SLC27A5: variants seen among roughly 807,000 people sequenced by gnomAD.
SLC27A5 encodes the protein long-chain fatty acid transport protein 5.
A neutral mutation model predicts 63.1 loss-of-function variants in SLC27A5; 47 were observed. The ratio of observed to expected loss-of-function variants is 0.74; its 90% confidence interval spans 0.59 to 0.95. The LOEUF (loss-of-function observed/expected upper bound fraction) is 0.95. Ranked by LOEUF, SLC27A5 falls within the 40% of genes least tolerant of loss-of-function variation. The pLI is 0.00. For missense variants in SLC27A5, 940 were observed against 921.0 expected (o/e 1.02, Z -0.27); for synonymous variants, 391 against 403.8 (o/e 0.97, Z 0.38).
At chr19:58,506,255 C>T (rs1456174023) in intron 3 of SLC27A5, among the ~76,000 whole-genome samples, 3 of 152,080 alleles carry the variant, frequency 2.0e-5, no homozygotes, top group Admixed American at 2.0e-4. Context: ...CAAACAGACG[C>T]CAGGCGCGGT....
At chr19:58,504,821 C>T (rs956658494) in intron 3 of SLC27A5, among the ~76,000 whole-genome samples, 3 of 151,598 alleles carry the variant, frequency 2.0e-5, no homozygotes. Flanking sequence ...CTGGTGAACA[C>T]CGTGAAACCC....
chr19:58,499,982 A>C (rs995299111), intron 6 of SLC27A5, among the ~76,000 whole-genome samples: 1 of 152,024 alleles, frequency 6.6e-6, no homozygotes, highest in Non-Finnish European at 1.5e-5. Context: ...GTGAGAATAG[A>C]TATGACCAGG....
At chr19:58,506,461 C>T (rs1000976806) in intron 3 of SLC27A5, among the ~76,000 whole-genome samples, 2 of 152,154 alleles carry the variant, frequency 1.3e-5, no homozygotes, top group African/African-American at 2.4e-5. Flanking sequence ...ATTGCTTGAA[C>T]CCGGGAGGCA....
At position 58,511,629 on chromosome 19, in the gene SLC27A5, G is replaced by A. The variant is rs1242460098; in HGVS notation, c.327C>T (p.Ser109=). Residue 109 remains serine (S), a synonymous_variant, in exon 1 of 10, where the codon AGC becomes AGT. Coordinates refer to ENST00000263093, the MANE Select transcript of SLC27A5 (RefSeq NM_012254.3). ...HLGLKIRGCL[S]RQPPDTFVDA... ...CTACAAAGGTGTCAGGCGGCTGCCG[G>A]CTCAAGCATCCCCTGATCTTCAGGC... is the stretch of plus-strand genomic sequence containing the variant. The A allele has an allele frequency of 1.3e-6, 2 of 1,597,552 alleles. No individual in the cohort carries two copies. The highest frequency in any genetic ancestry group is 2.2e-5 in the South Asian group (2 of 89,020).
chr19:58,500,490 C>T (rs2053261612), intron 5 of SLC27A5, 22 bp downstream of exon 5: 2 of 1,613,790 alleles, frequency 1.2e-6, no homozygotes, highest in African/African-American at 1.3e-5. Flanking sequence ...GGCAGCTGCA[C>T]ACCAGGTACC....
At chr19:58,507,365 A>G (rs546837126) in intron 3 of SLC27A5, 7 of 152,538 alleles carry the variant, frequency 4.6e-5, no homozygotes, top group Admixed American at 2.6e-4. Flanking sequence ...TTGTGAAGAT[A>G]ACATGGACAT....
At chr19:58,502,924 T>A (rs941429018) in intron 3 of SLC27A5, among the ~76,000 whole-genome samples, 10 of 151,954 alleles carry the variant, frequency 6.6e-5, no homozygotes, top group Non-Finnish European at 1.2e-4. Flanking sequence ...GATGGATAGG[T>A]GGCTGGGTGA....
At chr19:58,501,242 C>T (rs1234097028) in intron 4 of SLC27A5, 44 bp downstream of exon 4, 1 of 1,593,742 alleles carries the variant, frequency 6.3e-7, no homozygotes, top group Admixed American at 1.7e-5. Context: ...CCTGGGATTT[C>T]ATACTTGGGT....
intron 3 of SLC27A5, among the ~76,000 whole-genome samples, chr19:58,505,689 T>TA (rs1287147519): frequency 7.0e-6 from 1 of 142,498 alleles, no homozygotes; most frequent in Non-Finnish European, 1.5e-5. Flanking sequence ...ACTAAAAACA[T>TA]AAAAAAAAAT....
chr19:58,503,556 G>A (rs1021620715), intron 3 of SLC27A5, among the ~76,000 whole-genome samples: 5 of 152,012 alleles, frequency 3.3e-5, no homozygotes, highest in Non-Finnish European at 5.9e-5. Flanking sequence ...CCAGCTACTC[G>A]GGAGGCTGAG....
intron 3 of SLC27A5, among the ~76,000 whole-genome samples, chr19:58,505,032 C>G (rs1306684198): frequency 6.6e-6 from 1 of 150,888 alleles, no homozygotes; most frequent in East Asian, 1.9e-4. Flanking sequence ...AGAAATTAAA[C>G]TGGCAGCATG....
chr19:58,507,915 T>C (rs934488283), intron 3 of SLC27A5: 1 of 152,156 alleles, frequency 6.6e-6, no homozygotes, highest in Non-Finnish European at 1.5e-5. Flanking sequence ...TTCTCTGCTC[T>C]TGAACCCTGT....
At chr19:58,503,305 G>A (rs2053305565) in intron 3 of SLC27A5, among the ~76,000 whole-genome samples, 1 of 151,890 alleles carries the variant, frequency 6.6e-6, no homozygotes, top group Non-Finnish European at 1.5e-5. Context: ...AGGTGAGTAG[G>A]TAGATGGGTG....
intron 3 of SLC27A5, among the ~76,000 whole-genome samples, chr19:58,504,992 C>T (rs1484880251): frequency 1.4e-5 from 2 of 147,364 alleles, no homozygotes; most frequent in East Asian, 2.0e-4. Flanking sequence ...GGCGACAGAG[C>T]GAGACTCCAT....
At chr19:58,502,428 CAGTT>C (rs746885298) in intron 3 of SLC27A5, among the ~76,000 whole-genome samples, 1 of 146,484 alleles carries the variant, frequency 6.8e-6, no homozygotes, top group African/African-American at 2.5e-5. Context: ...GATGTGTGGA[CAGTT>C]AGAGTAGTGA....
In SLC27A5 at chr19:58,499,473, G is replaced by A. The variant is rs777353246; in HGVS notation, c.1667+19C>T. 15 of 1,611,754 alleles carry A rather than the reference G, an allele frequency of 9.3e-6. No homozygotes were observed. Among genetic ancestry groups the A allele is most frequent in the East Asian group, 8.9e-5 (4 of 44,894 alleles). ...CGTGGCCCCGCGCCAGCCCCGCCCCGAGAAACCCTGCCTCGGACCGGAAGG... is the reference window on the plus strand; with the variant it reads ...CGTGGCCCCGCGCCAGCCCCGCCCCAAGAAACCCTGCCTCGGACCGGAAGG... On this transcript the variant is annotated intron_variant, in intron 7 of 9. Coordinates refer to ENST00000263093, the MANE Select transcript of SLC27A5 (RefSeq NM_012254.3).
At chr19:58,503,022 C>T (rs542016513) in intron 3 of SLC27A5, among the ~76,000 whole-genome samples, 9 of 151,926 alleles carry the variant, frequency 5.9e-5, no homozygotes, top group East Asian at 5.8e-4. Flanking sequence ...CTGGCTAACA[C>T]GGTGAAACCC....
At position 58,498,493 on chromosome 19, in the gene SLC27A5, C is replaced by G; in HGVS notation, c.*22G>C. ...TGGGGGTGGCTGGCTTTGATCCCTA[C>G]CCCAGTGGGTTGGCCAGGTGATCAG... On this transcript the variant is annotated 3_prime_UTR_variant, in exon 10 of 10. Coordinates refer to ENST00000263093, the MANE Select transcript of SLC27A5 (RefSeq NM_012254.3). 1 of 1,596,342 alleles carries G rather than the reference C, an allele frequency of 6.3e-7. No homozygotes were observed. The highest frequency in any genetic ancestry group is 1.3e-5 in the African/African-American group (1 of 74,826).
intron 3 of SLC27A5, among the ~76,000 whole-genome samples, chr19:58,502,929 G>GGGCGC (rs1568629130): frequency 1.1e-4 from 16 of 152,300 alleles, no homozygotes; most frequent in Non-Finnish European, 1.8e-4. Context: ...ATAGGTGGCT[G>GGGCGC]GGTGAGGATC....
Sources: allele counts gnomAD v4.1 joint callset (sites outside exome capture counted in the v4.1 genomes callset), GRCh38; gene constraint gnomAD v4.1.1; transcripts MANE v1.5; gene names NCBI Gene and HGNC (gene_info 2026-07-23, HGNC 2026-07-21).